Variants in FBN2 observed in about 807,000 individuals in gnomAD.
FBN2 encodes fibrillin-2.
FBN2 carries 105 observed loss-of-function variants against 355.6 expected under a neutral mutation model. That is an observed-to-expected ratio of 0.30 (90% CI 0.25 to 0.35). The LOEUF is 0.35. Among genes scored for constraint, FBN2 ranks in the 10% least tolerant of loss-of-function variants. The pLI, the probability that FBN2 is intolerant of heterozygous loss-of-function variation, is 1.00. For missense variants in FBN2, 3,280 were observed against 3,758.7 expected (o/e 0.87, Z 3.33); for synonymous variants, 1,350 against 1,301.2 (o/e 1.04, Z -0.81).
intron 2 of FBN2, among the ~76,000 whole-genome samples, chr5:128,534,482 G>T (rs1319481088): frequency 6.6e-6 from 1 of 152,170 alleles, no homozygotes; most frequent in East Asian, 1.9e-4. Context: ...TAGGTACTTA[G>T]AATTTTTAGA....
chr5:128,453,136 C>G lies in FBN2; in HGVS notation c.827-6530G>C, dbSNP rs1227488694. Among the ~76,000 whole-genome samples the G allele has an allele frequency of 2.6e-5, 4 of 152,086 alleles. No homozygotes were observed. The East Asian group carries it at 7.7e-4, about 29-fold the overall frequency. On this transcript the variant is annotated intron_variant, in intron 6 of 64. Transcript: ENST00000262464. Reference sequence around the variant, plus strand: ...CTACTCATGTATGATACACAAAATTCAAATGTTAAAATGATCATCAAAACA... The same window carrying G: ...CTACTCATGTATGATACACAAAATTGAAATGTTAAAATGATCATCAAAACA...
intron 21 of FBN2, 114 bp from the exon 22 acceptor site, chr5:128,350,119 G>T (rs1401182220): frequency 2.4e-6 from 2 of 846,270 alleles, no homozygotes; most frequent in African/African-American, 1.7e-5. Context: ...ATGCAAGGCA[G>T]GGTCTTAGGG....
chr5:128,278,647 T>C lies in FBN2; in HGVS notation c.7333A>G (p.Thr2445Ala). ...KICPHGPGYT[T>A]DGRDIDECKV... ...CTCAACTCCTTACCTCTTCCATCAG[T>C]TGTATATCCTGGGCCATGAGGACAT... The change falls in exon 57 of 65, where the codon ACT becomes GCT. Residue 2445 changes from threonine to alanine, a missense_variant. Thr to Ala is a moderately conservative substitution (Grantham distance 58). Around this residue, in one of 6 missense-constraint regions of FBN2, gnomAD observed 2,284 missense variants for 2,749.5 expected, o/e 0.83. Transcript: ENST00000262464. The C allele has an allele frequency of 6.2e-7, 1 of 1,613,908 alleles. No homozygotes were observed. Among genetic ancestry groups the C allele is most frequent in the Non-Finnish European group, 8.5e-7 (1 of 1,179,770 alleles).
chr5:128,368,089 C>G (rs1246324650), intron 16 of FBN2, among the ~76,000 whole-genome samples: 1 of 152,012 alleles, frequency 6.6e-6, no homozygotes, highest in Non-Finnish European at 1.5e-5. Flanking sequence ...CTTCCCTGGG[C>G]TACAAATTGC....
chr5:128,314,154 A>G (rs1398517494), intron 36 of FBN2, among the ~76,000 whole-genome samples: 1 of 152,154 alleles, frequency 6.6e-6, no homozygotes, highest in Non-Finnish European at 1.5e-5. Context: ...AGCAGTCTAC[A>G]AAGTAATTTT....
chr5:128,274,494 T>G, intron 60 of FBN2, 73 bp downstream of exon 60: 1 of 848,492 alleles, frequency 1.2e-6, no homozygotes, highest in Non-Finnish European at 2.0e-6. Flanking sequence ...ATTCTTCTGT[T>G]TATAATTTTA....
intron 5 of FBN2, among the ~76,000 whole-genome samples, chr5:128,472,746 G>A (rs1211934331): frequency 2.0e-5 from 3 of 151,086 alleles, no homozygotes; most frequent in East Asian, 1.9e-4. Flanking sequence ...AGCTGAGATC[G>A]CGCCATTGCA....
At position 128,310,035 on chromosome 5, in the gene FBN2, G is replaced by A. The variant is rs760228395; in HGVS notation, c.5148C>T (p.Thr1716=). 10 of 1,613,800 alleles carry A rather than the reference G, an allele frequency of 6.2e-6. No individual in the cohort carries two copies. Among genetic ancestry groups the A allele is most frequent in the African/African-American group, 2.7e-5 (2 of 75,006 alleles). Residue 1716 remains threonine (T), a synonymous_variant, in exon 40 of 65, where the codon ACC becomes ACT. Coordinates refer to ENST00000262464, the MANE Select transcript of FBN2 (RefSeq NM_001999.4). Reference sequence around the variant, plus strand: ...GCATGTACTCAGGTGGGCAAATGCAGGTGTAATTTCCCAGGGTGTTATAGC... The same window carrying A: ...GCATGTACTCAGGTGGGCAAATGCAAGTGTAATTTCCCAGGGTGTTATAGC... ...GTCYNTLGNY[T]CICPPEYMQV... is the part of the protein sequence containing the mutation.
chr5:128,288,689 G>T, intron 52 of FBN2, 132 bp from the exon 53 acceptor site: 1 of 998,288 alleles, frequency 1.0e-6, no homozygotes, highest in Non-Finnish European at 1.6e-6. Flanking sequence ...GCATCCCTTG[G>T]GCCTTGGCTG....
intron 48 of FBN2, among the ~76,000 whole-genome samples, chr5:128,297,197 G>C (rs1445782474): frequency 2.0e-5 from 3 of 152,198 alleles, no homozygotes; most frequent in African/African-American, 7.2e-5. Flanking sequence ...ACTGTGGTCT[G>C]AGAGATAGTT....
chr5:128,374,860 T>C (rs372738891), intron 14 of FBN2, 110 bp from the exon 15 acceptor site: 12 of 1,183,122 alleles, frequency 1.0e-5, no homozygotes, highest in African/African-American at 6.0e-5. Context: ...TATAACTTTA[T>C]AATTTGTGAA....
At chr5:128,324,869 T>G (rs1319857811) in intron 34 of FBN2, among the ~76,000 whole-genome samples, 1 of 152,314 alleles carries the variant, frequency 6.6e-6, no homozygotes, top group Admixed American at 6.5e-5. Flanking sequence ...TCCACCGGCC[T>G]TGGCCTCCCA....
At chr5:128,524,235 A>T (rs535596320) in intron 4 of FBN2, among the ~76,000 whole-genome samples, 1 of 152,150 alleles carries the variant, frequency 6.6e-6, no homozygotes, top group East Asian at 1.9e-4. Context: ...TTTTCCATAG[A>T]TTTAAAGGCA....
chr5:128,491,349 CTT>C (rs1194626182), intron 5 of FBN2, among the ~76,000 whole-genome samples: 1 of 152,202 alleles, frequency 6.6e-6, no homozygotes. Context: ...ACATTGTAAA[CTT>C]TTCTCCAGGC....
intron 50 of FBN2, among the ~76,000 whole-genome samples, 195 bp from the exon 51 acceptor site, chr5:128,290,142 G>A (rs1361005007): frequency 6.6e-6 from 1 of 152,192 alleles, no homozygotes; most frequent in East Asian, 1.9e-4. Context: ...GGTGCCACCT[G>A]CTCAGTGCTC....
chr5:128,514,668 A>G (rs1030641535), intron 5 of FBN2, among the ~76,000 whole-genome samples: 1 of 152,194 alleles, frequency 6.6e-6, no homozygotes, highest in African/African-American at 2.4e-5. Context: ...CAAAGCACGT[A>G]TAACTTACTC....
intron 47 of FBN2, 150 bp downstream of exon 47, chr5:128,301,232 T>C (rs1465092019): frequency 2.6e-6 from 2 of 780,538 alleles, no homozygotes; most frequent in Non-Finnish European, 4.2e-6. Context: ...TGATACCTTA[T>C]ACTAAAATTT....
At chr5:128,472,539 C>T (rs1164273717) in intron 5 of FBN2, among the ~76,000 whole-genome samples, 2 of 152,124 alleles carry the variant, frequency 1.3e-5, no homozygotes, top group Non-Finnish European at 2.9e-5. Flanking sequence ...CACTTGTAAT[C>T]TCAGCACTTT....
Position 128,536,309 on chromosome 5 carries a change from G to T in FBN2, c.337+93C>A, listed in dbSNP as rs143055524. 1.9e-4 allele frequency: 180 copies of T among 937,562 alleles called. No homozygotes were observed. In the African/African-American group the frequency reaches 2.6e-3, roughly 14 times the overall value. The allele number at this position is 937,562 out of a possible 1,614,324, so 58.1% of individuals were successfully genotyped here. ...GCAATGTGATCACTTGATTTTAAAC[G>T]CAACTATGCGTCCAAATGGCTGAGT... On this transcript the variant is annotated intron_variant, in intron 2 of 64. Coordinates refer to ENST00000262464, the MANE Select transcript of FBN2 (RefSeq NM_001999.4).
Sources: allele counts gnomAD v4.1 joint callset (sites outside exome capture counted in the v4.1 genomes callset), GRCh38; gene constraint gnomAD v4.1.1; regional missense constraint gnomAD v4.1.1; transcripts MANE v1.5; gene names NCBI Gene and HGNC (gene_info 2026-07-23, HGNC 2026-07-21).